LMTK2: variants seen among roughly 807,000 people sequenced by gnomAD.
The protein encoded by LMTK2 is lemur tail kinase 2.
A neutral mutation model predicts 127.5 loss-of-function variants in LMTK2; 37 were observed. That is an observed-to-expected ratio of 0.29 (90% CI 0.22 to 0.38). The LOEUF is 0.38. Ranked by LOEUF, LMTK2 falls within the 10% of genes least tolerant of loss-of-function variation. The pLI, the probability that LMTK2 is intolerant of heterozygous loss-of-function variation, is 1.00. For missense variants in LMTK2, 1,694 were observed against 1,920.3 expected (o/e 0.88, Z 2.20); for synonymous variants, 819 against 810.1 (o/e 1.01, Z -0.19).
intron 1 of LMTK2, among the ~76,000 whole-genome samples, chr7:98,134,428 T>C (rs975982486): frequency 6.6e-6 from 1 of 152,140 alleles, no homozygotes; most frequent in Admixed American, 6.5e-5. Flanking sequence ...AAACAATCAA[T>C]AAAAAACAGT....
At chr7:98,108,039 AG>A (rs2116307063) in intron 1 of LMTK2, among the ~76,000 whole-genome samples, 1 of 152,320 alleles carries the variant, frequency 6.6e-6, no homozygotes, top group Non-Finnish European at 1.5e-5. Context: ...TTTTCTAAAA[AG>A]GAAAAAAAAA....
intron 6 of LMTK2, among the ~76,000 whole-genome samples, chr7:98,163,701 C>T (rs577612118): frequency 6.6e-6 from 1 of 152,320 alleles, no homozygotes; most frequent in South Asian, 2.1e-4. Context: ...AGGGTTGTCC[C>T]ATGGGACACA....
At chr7:98,130,490 T>G (rs559220408) in intron 1 of LMTK2, among the ~76,000 whole-genome samples, 12 of 152,318 alleles carry the variant, frequency 7.9e-5, no homozygotes, top group African/African-American at 2.9e-4. Flanking sequence ...TAGAGATGGG[T>G]TGGATGGTGT....
intron 6 of LMTK2, among the ~76,000 whole-genome samples, chr7:98,161,156 C>G (rs534995775): frequency 7.9e-4 from 119 of 151,576 alleles, no homozygotes; most frequent in African/African-American, 2.6e-3. Flanking sequence ...TGCTTTTTTT[C>G]TGTTCTTCTT....
At chr7:98,114,913 G>C (rs1479838017) in intron 1 of LMTK2, among the ~76,000 whole-genome samples, 1 of 151,984 alleles carries the variant, frequency 6.6e-6, no homozygotes, top group East Asian at 1.9e-4. Flanking sequence ...TCCTGGCCCA[G>C]CCCTTAGAGA....
intron 6 of LMTK2, among the ~76,000 whole-genome samples, chr7:98,166,979 G>A (rs1797110795): frequency 6.6e-6 from 1 of 152,168 alleles, no homozygotes; most frequent in Non-Finnish European, 1.5e-5. Flanking sequence ...TTTACTTAAA[G>A]AATATTATTT....
Position 98,151,406 on chromosome 7 carries a change from G to T in LMTK2, c.401G>T (p.Arg134Leu). 4.3e-6 allele frequency: 7 copies of T among 1,612,962 alleles called. No homozygotes were observed. Among genetic ancestry groups the T allele is most frequent in the Non-Finnish European group, 2.5e-6 (3 of 1,179,270 alleles). The change falls in exon 4 of 14, where the codon CGC (arginine) becomes CTC (leucine). Residue 134 changes from arginine (R) to leucine (L), a missense_variant. By Grantham distance (102) the Arg-to-Leu change is moderately radical (BLOSUM62 -2). Around this residue, in one of 8 missense-constraint regions of LMTK2, gnomAD observed 203 missense variants for 226.2 expected, o/e 0.90. Transcript: ENST00000297293. The part of the protein sequence containing the change: ...SVEGLKSQVA[R>L]HSLNYIQEIG... ...GAGGGATTGAAGTCTCAAGTTGCCCGCCACAGTCTAAACTACATACAGGAA... is the reference window on the plus strand; with the variant it reads ...GAGGGATTGAAGTCTCAAGTTGCCCTCCACAGTCTAAACTACATACAGGAA...
At chr7:98,130,102 G>A (rs1020432439) in intron 1 of LMTK2, among the ~76,000 whole-genome samples, 1 of 152,142 alleles carries the variant, frequency 6.6e-6, no homozygotes, top group Non-Finnish European at 1.5e-5. Context: ...CTGGGTGGTG[G>A]AAGATATGAG....
chr7:98,153,654 C>T (rs1796888150), intron 4 of LMTK2, among the ~76,000 whole-genome samples: 1 of 152,136 alleles, frequency 6.6e-6, no homozygotes, highest in African/African-American at 2.4e-5. Flanking sequence ...GGAAGGATCA[C>T]TTGAGGCGAG....
At position 98,185,114 on chromosome 7, in the gene LMTK2, A is replaced by T. The variant is rs761605554; in HGVS notation, c.855A>T (p.Gly285=). Residue 285 remains glycine, a synonymous_variant, in exon 8 of 14, where the codon GGA becomes GGT. Transcript: ENST00000297293. ...SDLNVKVGDY[G]IGFSRYKEDY... is the part of the protein sequence containing the mutation. ...TAAATGTGAAAGTGGGAGATTACGG[A>T]ATAGGATTCAGCAGGTACAAGGTAA... 6.2e-6 allele frequency: 10 copies of T among 1,611,828 alleles called. No individual in the cohort carries two copies. The African/African-American group carries it at 1.1e-4, about 17-fold the overall frequency.
chr7:98,109,354 T>C (rs1416235362), intron 1 of LMTK2, among the ~76,000 whole-genome samples: 1 of 152,158 alleles, frequency 6.6e-6, no homozygotes, highest in Non-Finnish European at 1.5e-5. Flanking sequence ...TTGCTACAAA[T>C]TTTCCTTTCA....
Position 98,194,618 on chromosome 7 carries a change from A to G in LMTK2, c.4107+46A>G. On this transcript the variant is annotated intron_variant, in intron 11 of 13. Transcript: ENST00000297293. The surrounding 1 kb of genome is among the most constrained non-coding windows in gnomAD (Gnocchi z 5.4). ...ATTTTCTATACACATCCATATAAGG[A>G]TTCCAAAATGTGCTAGGAAATTGAG... The G allele has an allele frequency of 1.3e-6, 2 of 1,490,328 alleles. No homozygotes were observed. Among genetic ancestry groups the G allele is most frequent in the Non-Finnish European group, 1.8e-6 (2 of 1,111,444 alleles). The allele number at this position is 1,490,328 out of a possible 1,614,324, so 92.3% of individuals were successfully genotyped here.
chr7:98,170,047 G>T (rs1797160949), intron 6 of LMTK2, among the ~76,000 whole-genome samples: 1 of 152,196 alleles, frequency 6.6e-6, no homozygotes, highest in Non-Finnish European at 1.5e-5. Flanking sequence ...CATTGATGTT[G>T]TCTGCATACT....
chr7:98,162,266 A>G (rs1797027814), intron 6 of LMTK2, among the ~76,000 whole-genome samples: 2 of 152,226 alleles, frequency 1.3e-5, no homozygotes, highest in South Asian at 2.1e-4. Context: ...TTATGTTACC[A>G]TAAATGACCC....
intron 4 of LMTK2, among the ~76,000 whole-genome samples, chr7:98,152,147 A>C (rs1469426436): frequency 6.6e-6 from 1 of 152,172 alleles, no homozygotes; most frequent in Non-Finnish European, 1.5e-5. Context: ...CTGTAAATAC[A>C]GTCTTACAAT....
Position 98,192,850 on chromosome 7 carries a change from T to G in LMTK2, c.2385T>G (p.Asp795Glu), listed in dbSNP as rs371947835. The change falls in exon 11 of 14, where the codon GAT becomes GAG. Residue 795 changes from aspartate to glutamate, a missense_variant. Asp to Glu is a conservative substitution (Grantham distance 45). Around this residue, in one of 8 missense-constraint regions of LMTK2, gnomAD observed 527 missense variants for 539.8 expected, o/e 0.98. Coordinates refer to ENST00000297293, the MANE Select transcript of LMTK2 (RefSeq NM_014916.4). ...ENVSTKGDDTDVMLTGDTLST... is the reference protein window; with the variant it reads ...ENVSTKGDDTEVMLTGDTLST... ...TAAGCACAAAGGGTGACGATACAGA[T>G]GTCATGCTCACAGGTGACACTTTGA... 6.2e-7 allele frequency: 1 copy of G among 1,614,062 alleles called. No individual in the cohort carries two copies. Among genetic ancestry groups the G allele is most frequent in the South Asian group, 1.1e-5 (1 of 91,068 alleles).
chr7:98,132,112 A>G (rs1796528092), intron 1 of LMTK2, among the ~76,000 whole-genome samples: 1 of 152,182 alleles, frequency 6.6e-6, no homozygotes, highest in African/African-American at 2.4e-5. Context: ...CTTGCCAAAG[A>G]CAGGACAATG....
chr7:98,124,002 T>C (rs1796407247), intron 1 of LMTK2, among the ~76,000 whole-genome samples: 2 of 152,180 alleles, frequency 1.3e-5, no homozygotes, highest in Admixed American at 1.3e-4. Context: ...TCTGAGAATA[T>C]AGTTGTTGTT....
intron 8 of LMTK2, among the ~76,000 whole-genome samples, chr7:98,185,496 G>A (rs929115843): frequency 2.0e-5 from 3 of 152,016 alleles, no homozygotes; most frequent in Admixed American, 2.0e-4. Flanking sequence ...TCCATTACGT[G>A]GTCAGTAAAA....
Sources: gnomAD v4.1 joint callset for allele counts (sites outside exome capture counted in the v4.1 genomes callset) on GRCh38, gnomAD v4.1.1 for gene constraint, gnomAD v4.1.1 regional missense constraint, Gnocchi (gnomAD v3.1) non-coding constraint, MANE v1.5 for transcripts, NCBI Gene and HGNC (gene_info 2026-07-23, HGNC 2026-07-21) for gene names.